The following NRXN3 variants were observed in gnomAD, a reference collection of about 807,000 sequenced individuals.
NRXN3 encodes the protein neurexin 3.
A neutral mutation model predicts 137.6 loss-of-function variants in NRXN3; 32 were observed. That is an observed-to-expected ratio of 0.23 (90% confidence interval 0.18 to 0.31). The LOEUF is 0.31. Ranked by LOEUF, NRXN3 falls within the 10% of genes least tolerant of loss-of-function variation. The probability of loss-of-function intolerance (pLI) is 1.00; values close to 1 mark genes in which losing one functional copy is unlikely to be tolerated. For synonymous variants in NRXN3, 798 were observed against 784.5 expected (o/e 1.02, Z -0.29); for missense variants, 1,574 against 2,062.5 (o/e 0.76, Z 4.59).
chr14:79,853,661 C>G, intron 20 of NRXN3: 2 of 1,312,012 alleles, frequency 1.5e-6, no homozygotes, highest in South Asian at 2.5e-5. Context: ...ATGACCCTCC[C>G]CTTCCTGCAT....
intron 15 of NRXN3, among the ~76,000 whole-genome samples, chr14:79,028,940 A>T (rs1464838843): frequency 6.6e-6 from 1 of 152,104 alleles, no homozygotes; most frequent in African/African-American, 2.4e-5. Flanking sequence ...ACAGAGAGAA[A>T]GCATTGGGAT....
chr14:79,841,584 C>A (rs1459946327), intron 20 of NRXN3, among the ~76,000 whole-genome samples: 1 of 152,214 alleles, frequency 6.6e-6, no homozygotes, highest in Non-Finnish European at 1.5e-5. Context: ...AGGGCCACAG[C>A]AGGCAGAGAT....
chr14:79,662,449 A>G (rs1381598531), intron 16 of NRXN3, among the ~76,000 whole-genome samples: 1 of 152,088 alleles, frequency 6.6e-6, no homozygotes, highest in Non-Finnish European at 1.5e-5. Context: ...ATTATTAGAG[A>G]AGAGTCAGAG....
intron 16 of NRXN3, among the ~76,000 whole-genome samples, chr14:79,610,219 A>G (rs1256801408): frequency 6.6e-6 from 1 of 152,196 alleles, no homozygotes; most frequent in African/African-American, 2.4e-5. Context: ...CAAAATAAAG[A>G]AAAAACAAAG....
At chr14:79,138,500 A>G (rs987248605) in intron 15 of NRXN3, among the ~76,000 whole-genome samples, 1 of 152,262 alleles carries the variant, frequency 6.6e-6, no homozygotes, top group African/African-American at 2.4e-5. Context: ...CATTGAAAAT[A>G]AGTCACTGTG....
chr14:78,373,226 C>T (rs772837701), intron 4 of NRXN3, among the ~76,000 whole-genome samples: 5 of 151,454 alleles, frequency 3.3e-5, no homozygotes, highest in Non-Finnish European at 7.4e-5. Flanking sequence ...AGTCTAAAGT[C>T]AGAGGGGACA....
chr14:79,071,128 CT>C (rs147319968), intron 15 of NRXN3, among the ~76,000 whole-genome samples: 6,490 of 152,056 alleles, frequency 0.043, 510 homozygotes, highest in African/African-American at 0.15. Context: ...TCAAATACCC[CT>C]AAGTATGTTT....
Position 78,243,557 on chromosome 14 carries a change from A to C in NRXN3, c.464A>C (p.Asp155Ala). 1 of 1,598,186 alleles carries C rather than the reference A, an allele frequency of 6.3e-7. No homozygotes were observed. Among genetic ancestry groups the C allele is most frequent in the Non-Finnish European group, 8.5e-7 (1 of 1,179,712 alleles). ...TTGTTCCTTGGTGGAGTCCCTACTG[A>C]CATACGACCTTCTGCCCTGACCCTT... is the stretch of plus-strand genomic sequence containing the variant. ...SDLFLGGVPT[D>A]IRPSALTLDG... Residue 155 changes from aspartate to alanine, a missense_variant, in exon 2 of 21, where the codon GAC becomes GCC. Physicochemically the swap from Asp to Ala is moderately radical, Grantham distance 126. Coordinates refer to ENST00000335750, the MANE Select transcript of NRXN3 (RefSeq NM_001330195.2). The surrounding 1 kb of genome is among the most constrained non-coding windows in gnomAD (Gnocchi z 4.2).
chr14:79,681,687 T>A (rs10139089), intron 17 of NRXN3, among the ~76,000 whole-genome samples: 25,474 of 151,668 alleles, frequency 0.17, 2,635 homozygotes, highest in African/African-American at 0.3. Context: ...CAAACTGTTA[T>A]GAGAGGAGTA....
At position 78,966,095 on chromosome 14, in the gene NRXN3, C is replaced by T. The variant is rs565612865; in HGVS notation, c.2466C>T (p.Arg822=). 6.2e-7 allele frequency: 1 copy of T among 1,614,174 alleles called. No homozygotes were observed. The highest frequency in any genetic ancestry group is 1.3e-5 in the African/African-American group (1 of 75,046). ...NIETGIMTEK[R]YISVVPSSFI... ...AAACGGGAATCATGACTGAGAAACG[C>T]TACATCTCCGTTGTCCCCTCCAGCT... Residue 822 remains arginine, a synonymous_variant, in exon 12 of 21, where the codon CGC becomes CGT. Transcript: ENST00000335750.
intron 1 of NRXN3, among the ~76,000 whole-genome samples, chr14:78,223,966 G>T (rs2064159764): frequency 6.6e-6 from 1 of 152,198 alleles, no homozygotes; most frequent in Non-Finnish European, 1.5e-5. Context: ...CTAGGCACGG[G>T]GATCAAGCCC....
intron 15 of NRXN3, among the ~76,000 whole-genome samples, chr14:79,066,233 T>A (rs958316107): frequency 2.6e-5 from 4 of 152,198 alleles, no homozygotes; most frequent in Non-Finnish European, 5.9e-5. Flanking sequence ...CAGCACAATT[T>A]ATTAATTAGG....
At chr14:78,720,517 C>T (rs1266379166) in intron 8 of NRXN3, among the ~76,000 whole-genome samples, 1 of 152,042 alleles carries the variant, frequency 6.6e-6, no homozygotes, top group African/African-American at 2.4e-5. Flanking sequence ...TCAGTTTTTC[C>T]CCTTCTTGGT....
At chr14:79,795,441 G>A (rs1300505944) in intron 19 of NRXN3, among the ~76,000 whole-genome samples, 1 of 152,106 alleles carries the variant, frequency 6.6e-6, no homozygotes, top group Non-Finnish European at 1.5e-5. Context: ...TCTGTGGGAG[G>A]TTGGTATTTC....
chr14:79,114,712 G>C (rs989233868), intron 15 of NRXN3, among the ~76,000 whole-genome samples: 2 of 152,114 alleles, frequency 1.3e-5, no homozygotes, highest in African/African-American at 4.8e-5. Flanking sequence ...ATATTTTGGA[G>C]AGATGAGGAC....
At chr14:78,386,075 T>C (rs2089935738) in intron 4 of NRXN3, among the ~76,000 whole-genome samples, 1 of 151,822 alleles carries the variant, frequency 6.6e-6, no homozygotes, top group Non-Finnish European at 1.5e-5. Flanking sequence ...AAAAGTCCCA[T>C]TTTCAGTATC....
intron 15 of NRXN3, chr14:79,279,549 T>C: frequency 4.1e-6 from 4 of 985,904 alleles, no homozygotes; most frequent in Non-Finnish European, 4.8e-6. Context: ...CCGCACCGGG[T>C]TCCTCCTCCT....
At chr14:78,270,764 A>C (rs1033802132) in intron 2 of NRXN3, among the ~76,000 whole-genome samples, 1 of 152,260 alleles carries the variant, frequency 6.6e-6, no homozygotes, top group Non-Finnish European at 1.5e-5. Context: ...TAGTCATATA[A>C]ATTAGGGACA....
intron 19 of NRXN3, among the ~76,000 whole-genome samples, chr14:79,749,192 GTC>G (rs1212525916): frequency 6.6e-6 from 1 of 152,070 alleles, no homozygotes; most frequent in Non-Finnish European, 1.5e-5. Context: ...GGAGGAGACT[GTC>G]TGGTATCTGA....
Sources: allele counts gnomAD v4.1 joint callset (sites outside exome capture counted in the v4.1 genomes callset), GRCh38; gene constraint gnomAD v4.1.1; non-coding constraint Gnocchi (gnomAD v3.1); transcripts MANE v1.5; gene names NCBI Gene and HGNC (gene_info 2026-07-23, HGNC 2026-07-21).